Variants in BCAT1 observed in about 807,000 individuals in gnomAD.
BCAT1 encodes the protein branched-chain-amino-acid aminotransferase, cytosolic.
A neutral mutation model predicts 52.4 loss-of-function variants in BCAT1; 48 were observed. The ratio of observed to expected loss-of-function variants is 0.92; its 90% confidence interval spans 0.73 to 1.16. BCAT1 has a LOEUF of 1.16. BCAT1 is among the 50% of genes most tolerant of loss of function. BCAT1 has a pLI of 0.00. For synonymous variants in BCAT1, 167 were observed against 161.3 expected, an observed-to-expected ratio of 1.04 and a Z score of -0.27; for missense variants, 451 against 457.1, an observed-to-expected ratio of 0.99 and a Z score of 0.12.
At chr12:24,824,755 C>T (rs1392472242) in intron 10 of BCAT1, among the ~76,000 whole-genome samples, 7 of 152,102 alleles carry the variant, frequency 4.6e-5, no homozygotes, top group African/African-American at 1.2e-4. Flanking sequence ...ACTATGGGCA[C>T]ACTTCTCTTA....
chr12:24,847,722 G>C (rs1941388977), intron 6 of BCAT1, among the ~76,000 whole-genome samples: 1 of 152,180 alleles, frequency 6.6e-6, no homozygotes, highest in Admixed American at 6.5e-5. Flanking sequence ...CTAGCTCAGT[G>C]CTTCTCAAGC....
intron 5 of BCAT1, among the ~76,000 whole-genome samples, chr12:24,870,804 C>T (rs1316416798): frequency 1.3e-5 from 2 of 152,160 alleles, no homozygotes; most frequent in Non-Finnish European, 2.9e-5. Context: ...AAGTGGATCA[C>T]CTGAGGTCAG....
chr12:24,884,203 G>A (rs1942589294), intron 3 of BCAT1, among the ~76,000 whole-genome samples: 1 of 152,136 alleles, frequency 6.6e-6, no homozygotes, highest in African/African-American at 2.4e-5. Context: ...ACAATGACAT[G>A]GGGAACCCGT....
intron 5 of BCAT1, among the ~76,000 whole-genome samples, chr12:24,859,296 TG>T (rs1186845751): frequency 6.6e-6 from 1 of 152,214 alleles, no homozygotes; most frequent in Non-Finnish European, 1.5e-5. Flanking sequence ...AGACATTGTT[TG>T]GAAAGCTGTC....
At chr12:24,911,423 C>A (rs904029149) in intron 1 of BCAT1, among the ~76,000 whole-genome samples, 1 of 152,208 alleles carries the variant, frequency 6.6e-6, no homozygotes, top group African/African-American at 2.4e-5. Flanking sequence ...GCCCTCCTCT[C>A]CCCTCAGGAC....
chr12:24,949,290 G>A (rs1348388409), upstream of BCAT1: 5 of 341,336 alleles, frequency 1.5e-5, no homozygotes, highest in Non-Finnish European at 2.1e-5. Context: ...TGCCAGTGTT[G>A]CAAGCAAATG....
At chr12:24,879,054 A>G (rs1177243378) in intron 4 of BCAT1, among the ~76,000 whole-genome samples, 1 of 152,220 alleles carries the variant, frequency 6.6e-6, no homozygotes, top group African/African-American at 2.4e-5. Context: ...TTCTAATTAG[A>G]TGATATACTT....
chr12:24,929,821 T>G (rs950535382), intron 1 of BCAT1, among the ~76,000 whole-genome samples: 8 of 152,192 alleles, frequency 5.3e-5, no homozygotes, highest in Non-Finnish European at 7.4e-5. Context: ...ATCTGGCCTT[T>G]CTTTGAGTCT....
At chr12:24,890,862 A>G (rs1036590128) in intron 3 of BCAT1, among the ~76,000 whole-genome samples, 5 of 152,146 alleles carry the variant, frequency 3.3e-5, no homozygotes, top group Admixed American at 2.0e-4. Context: ...ACTCTCCCCA[A>G]ATTCTTTCTT....
At chr12:24,877,550 C>A (rs963814280) in intron 5 of BCAT1, among the ~76,000 whole-genome samples, 1 of 152,204 alleles carries the variant, frequency 6.6e-6, no homozygotes, top group African/African-American at 2.4e-5. Context: ...ACCATCCCAG[C>A]TCTTCAATTT....
At position 24,815,274 on chromosome 12, in the gene BCAT1, G is replaced by A. The variant is rs1447713849; in HGVS notation, c.*2734C>T. 1.3e-5 allele frequency: 2 copies of A among 152,382 alleles called. No individual in the cohort carries two copies. Among genetic ancestry groups the A allele is most frequent in the African/African-American group, 4.8e-5 (2 of 41,442 alleles). 9.4% of individuals were successfully genotyped at this position (152,382 alleles called of 1,614,324 possible). A position where few individuals can be genotyped will look rare whatever the true frequency, so the allele number is the denominator to read the frequency against. On this transcript the variant is annotated 3_prime_UTR_variant, in exon 11 of 11. Coordinates refer to ENST00000261192, the MANE Select transcript of BCAT1 (RefSeq NM_005504.7). Reference sequence around the variant, plus strand: ...TATAAGTTAATCATTATCATTTTAAGTGCCACCAGTTCTGTTTATATTAAT... The same window carrying A: ...TATAAGTTAATCATTATCATTTTAAATGCCACCAGTTCTGTTTATATTAAT...
At chr12:24,937,044 T>C (rs1327630725) in intron 1 of BCAT1, among the ~76,000 whole-genome samples, 1 of 152,090 alleles carries the variant, frequency 6.6e-6, no homozygotes, top group South Asian at 2.1e-4. Flanking sequence ...GGTTGCACAG[T>C]GGTAAAAAAA....
chr12:24,828,499 GA>G (rs992511573), intron 10 of BCAT1, among the ~76,000 whole-genome samples: 1 of 150,318 alleles, frequency 6.7e-6, no homozygotes. Context: ...CCATACTAGT[GA>G]AAAAAAAATT....
At chr12:24,870,258 A>ATGTGGCTGTG (rs1942145005) in intron 5 of BCAT1, among the ~76,000 whole-genome samples, 1 of 152,224 alleles carries the variant, frequency 6.6e-6, no homozygotes, top group Admixed American at 6.5e-5. Context: ...GGCTGTGTGT[A>ATGTGGCTGTG]TGTATGTATA....
At chr12:24,825,144 T>TAC (rs1255550126) in intron 10 of BCAT1, among the ~76,000 whole-genome samples, 4 of 146,724 alleles carry the variant, frequency 2.7e-5, no homozygotes, top group African/African-American at 9.9e-5. Context: ...TGTATATATA[T>TAC]ATATATATAT....
chr12:24,900,310 G>C (rs569397364), intron 2 of BCAT1, among the ~76,000 whole-genome samples: 6 of 152,194 alleles, frequency 3.9e-5, no homozygotes, highest in Non-Finnish European at 5.9e-5. Context: ...TTTATGGCCA[G>C]GCATTGTGGC....
intron 6 of BCAT1, among the ~76,000 whole-genome samples, chr12:24,848,717 A>C (rs1941415681): frequency 6.6e-6 from 1 of 152,214 alleles, no homozygotes; most frequent in South Asian, 2.1e-4. Context: ...CAAAAAAAGG[A>C]GTTTTCAACC....
intron 1 of BCAT1, among the ~76,000 whole-genome samples, chr12:24,922,283 G>A (rs1943509603): frequency 6.6e-6 from 1 of 152,128 alleles, no homozygotes; most frequent in South Asian, 2.1e-4. Context: ...ACCTGCCTCA[G>A]TCCCCCAAGT....
At chr12:24,837,436 A>ATTTTTTT (rs35427447) in intron 7 of BCAT1, among the ~76,000 whole-genome samples, 1 of 121,936 alleles carries the variant, frequency 8.2e-6, no homozygotes, top group African/African-American at 3.1e-5. Flanking sequence ...GGAAAGTCTA[A>ATTTTTTT]TTTTTTTTTT....
Sources: allele counts gnomAD v4.1 joint callset (sites outside exome capture counted in the v4.1 genomes callset), GRCh38; gene constraint gnomAD v4.1.1; transcripts MANE v1.5; gene names NCBI Gene and HGNC (gene_info 2026-07-23, HGNC 2026-07-21).